Variants in KCMF1 observed in about 807,000 individuals in gnomAD.
KCMF1 encodes the protein potassium channel modulatory factor 1, also known as E3 ubiquitin-protein ligase KCMF1.
In KCMF1, 3 loss-of-function variants were observed where a neutral mutation model predicts 41.1. The observed-to-expected ratio is 0.07, with a 90% CI of 0.03 to 0.19. The LOEUF is 0.19. Among genes scored for constraint, KCMF1 ranks in the 10% least tolerant of loss-of-function variants. The pLI is 1.00. For missense variants in KCMF1, 286 were observed against 488.9 expected (o/e 0.58, Z 3.91); for synonymous variants, 142 against 164.5 (o/e 0.86, Z 1.04).
intron 1 of KCMF1, among the ~76,000 whole-genome samples, chr2:84,999,527 A>C (rs28494781): frequency 5.3e-5 from 8 of 152,234 alleles, no homozygotes; most frequent in Admixed American, 2.0e-4. Context: ...GTCTTTAACT[A>C]CATTAGAATC....
At chr2:85,031,077 A>G (rs1361729091) in intron 2 of KCMF1, among the ~76,000 whole-genome samples, 3 of 152,168 alleles carry the variant, frequency 2.0e-5, no homozygotes, top group Non-Finnish European at 4.4e-5. Flanking sequence ...AAGAAGAGTG[A>G]GTCTTCCAAC....
At position 85,059,458 on chromosome 2, in the gene KCMF1, A is replaced by G. The variant is rs532706700; in HGVS notation, c.*6049A>G. ...CTTATCTGTTTTCTGATTTGAATAA[A>G]CTTTGTGTTGTGCACCTCAGTTTCC... is the stretch of plus-strand genomic sequence containing the variant. On this transcript the variant is annotated 3_prime_UTR_variant, in exon 7 of 7. Coordinates refer to ENST00000409785, the MANE Select transcript of KCMF1 (RefSeq NM_020122.5). 5.3e-5 allele frequency: 8 copies of G among 152,280 alleles called. No individual in the cohort carries two copies. The highest frequency in any genetic ancestry group is 9.6e-5 in the African/African-American group (4 of 41,542). 9.4% of individuals were successfully genotyped at this position (152,280 alleles called of 1,614,324 possible).
intron 1 of KCMF1, among the ~76,000 whole-genome samples, chr2:84,987,443 G>A (rs1160489125): frequency 6.6e-6 from 1 of 152,234 alleles, no homozygotes; most frequent in Non-Finnish European, 1.5e-5. Context: ...GAAAAAAGAT[G>A]CCTTAAGATA....
At chr2:84,974,832 C>T (rs1448419075) in intron 1 of KCMF1, among the ~76,000 whole-genome samples, 5 of 149,160 alleles carry the variant, frequency 3.4e-5, no homozygotes, top group Middle Eastern at 3.5e-3. Flanking sequence ...CAGCCTCCCG[C>T]GTAGCTGGGA....
chr2:85,034,222 A>C lies in KCMF1; in HGVS notation c.185-794A>C, dbSNP rs901401229. On this transcript the variant is annotated intron_variant, in intron 2 of 6. Transcript: ENST00000409785. ...AATGTTGTTGGTAGTATCTTAAGTTAGCATTTACAAAAAATGAATGTTCAG... is the reference window on the plus strand; with the variant it reads ...AATGTTGTTGGTAGTATCTTAAGTTCGCATTTACAAAAAATGAATGTTCAG... 2.6e-5 allele frequency among the ~76,000 whole-genome samples: 4 copies of C among 152,102 alleles called. No individual in the cohort carries two copies. The East Asian group carries it at 7.7e-4, about 29-fold the overall frequency.
intron 1 of KCMF1, among the ~76,000 whole-genome samples, chr2:85,008,284 TATATA>T (rs1241168664): frequency 3.7e-4 from 36 of 96,514 alleles, no homozygotes; most frequent in Non-Finnish European, 5.6e-4. Flanking sequence ...TATAATATGA[TATATA>T]ATATATATAA....
intron 1 of KCMF1, among the ~76,000 whole-genome samples, chr2:84,999,878 A>C (rs1362506578): frequency 2.0e-5 from 3 of 152,166 alleles, no homozygotes; most frequent in African/African-American, 4.8e-5. Context: ...GGAAGTGAGG[A>C]AATCTCACAG....
At chr2:84,997,086 C>T (rs866261416) in intron 1 of KCMF1, among the ~76,000 whole-genome samples, 14 of 152,130 alleles carry the variant, frequency 9.2e-5, no homozygotes, top group African/African-American at 3.1e-4. Flanking sequence ...ATGAGACTGC[C>T]GTGGCTATGC....
chr2:85,007,044 T>A (rs922313686), intron 1 of KCMF1, among the ~76,000 whole-genome samples: 1 of 139,238 alleles, frequency 7.2e-6, no homozygotes, highest in Non-Finnish European at 1.5e-5. Flanking sequence ...GAGGTTGCAG[T>A]GAGTCGAGAT....
At chr2:85,005,377 C>T (rs1372843421) in intron 1 of KCMF1, among the ~76,000 whole-genome samples, 1 of 152,010 alleles carries the variant, frequency 6.6e-6, no homozygotes, top group Non-Finnish European at 1.5e-5. Flanking sequence ...CAAGCTCCGC[C>T]TATTGGGGTC....
chr2:85,017,735 A>G (rs1297042379), intron 1 of KCMF1, among the ~76,000 whole-genome samples: 9 of 152,040 alleles, frequency 5.9e-5, no homozygotes, highest in Admixed American at 5.9e-4. Flanking sequence ...TTTCTTTCCC[A>G]TCAACTCTCT....
At chr2:84,985,528 G>T (rs1235520429) in intron 1 of KCMF1, among the ~76,000 whole-genome samples, 1 of 152,084 alleles carries the variant, frequency 6.6e-6, no homozygotes, top group Non-Finnish European at 1.5e-5. Context: ...TTCCTAGTTT[G>T]AATGTAAAAC....
intron 3 of KCMF1, among the ~76,000 whole-genome samples, 198 bp from the exon 4 acceptor site, chr2:85,043,366 A>G (rs1161971308): frequency 6.6e-6 from 1 of 152,166 alleles, no homozygotes; most frequent in African/African-American, 2.4e-5. Context: ...GTGTGTCTGA[A>G]ACTGTTGTGT....
chr2:84,973,825 CTTTTTTTT>C (rs1238178193), intron 1 of KCMF1, among the ~76,000 whole-genome samples: 5 of 110,278 alleles, frequency 4.5e-5, no homozygotes, highest in African/African-American at 1.7e-4. Context: ...TTATTTCTTT[CTTTTTTTT>C]TTTTTTTTTT....
intron 1 of KCMF1, among the ~76,000 whole-genome samples, chr2:85,008,255 T>TATATATAATATATAATATGATA (rs1491266401): frequency 3.1e-5 from 2 of 64,022 alleles, no homozygotes; most frequent in South Asian, 4.7e-4. Context: ...ATGATATATA[T>TATATATAATATATAATATGATA]TATATATCAT....
Position 85,032,457 on chromosome 2 carries a change from A to G in KCMF1, c.185-2559A>G, listed in dbSNP as rs1183182059. ...AATGGTGCGATCTCGGCTCACTGCAACCTCTGCCTCCCGGGTTCAAGTGAT... is the reference window on the plus strand; with the variant it reads ...AATGGTGCGATCTCGGCTCACTGCAGCCTCTGCCTCCCGGGTTCAAGTGAT... On this transcript the variant is annotated intron_variant, in intron 2 of 6. Coordinates refer to ENST00000409785, the MANE Select transcript of KCMF1 (RefSeq NM_020122.5). 7.3e-5 allele frequency among the ~76,000 whole-genome samples: 11 copies of G among 151,604 alleles called. No individual in the cohort carries two copies. In the East Asian group the frequency reaches 2.1e-3, roughly 29 times the overall value.
intron 1 of KCMF1, among the ~76,000 whole-genome samples, chr2:84,998,926 C>G (rs1407174537): frequency 2.7e-4 from 16 of 59,372 alleles, no homozygotes; most frequent in African/African-American, 1.1e-3. Context: ...ACCTATCTAT[C>G]TATCTATCTA....
chr2:85,034,419 T>G (rs1675358674), intron 2 of KCMF1, among the ~76,000 whole-genome samples: 1 of 151,940 alleles, frequency 6.6e-6, no homozygotes, highest in Non-Finnish European at 1.5e-5. Context: ...TATATACAGA[T>G]AAGGAAAAAA....
chr2:85,032,254 T>G (rs971312945), intron 2 of KCMF1, among the ~76,000 whole-genome samples: 4 of 151,440 alleles, frequency 2.6e-5, no homozygotes, highest in African/African-American at 4.9e-5. Context: ...TCACTGCAAC[T>G]TCCGCCTCCT....
Sources: gnomAD v4.1 joint callset for allele counts (sites outside exome capture counted in the v4.1 genomes callset) on GRCh38, gnomAD v4.1.1 for gene constraint, MANE v1.5 for transcripts, NCBI Gene and HGNC (gene_info 2026-07-23, HGNC 2026-07-21) for gene names.